The following SLC43A2 variants were observed in gnomAD, a reference collection of about 807,000 sequenced individuals.
SLC43A2 encodes the protein solute carrier family 43 member 2, also known as large neutral amino acids transporter small subunit 4.
In SLC43A2, 38 loss-of-function variants were observed where a neutral mutation model predicts 63.2. The ratio of observed to expected loss-of-function variants is 0.60; its 90% CI spans 0.46 to 0.79. SLC43A2 has a LOEUF of 0.79. Ranked by LOEUF, SLC43A2 falls within the 30% of genes least tolerant of loss-of-function variation. The probability of loss-of-function intolerance (pLI) is 0.00; values close to 1 mark genes in which losing one functional copy is unlikely to be tolerated. For missense variants in SLC43A2, 644 were observed against 756.2 expected (o/e 0.85, Z 1.74); for synonymous variants, 322 against 331.0 (o/e 0.97, Z 0.30).
chr17:1,591,730 G>GGT (rs1183197837), intron 6 of SLC43A2, 31 bp from the exon 7 acceptor site: 3 of 822,982 alleles, frequency 3.6e-6, no homozygotes, highest in Non-Finnish European at 5.7e-6. Flanking sequence ...GGGGTGGGGG[G>GGT]GGGAGGGGGC....
At chr17:1,576,518 C>T in intron 13 of SLC43A2, 79 bp downstream of exon 13, 1 of 1,500,542 alleles carries the variant, frequency 6.7e-7, no homozygotes, top group Non-Finnish European at 8.9e-7. Context: ...GCCCTGAAGC[C>T]CCCGAGGGGG....
intron 3 of SLC43A2, among the ~76,000 whole-genome samples, chr17:1,615,710 G>T (rs1318030191): frequency 1.3e-5 from 2 of 148,912 alleles, no homozygotes; most frequent in Non-Finnish European, 3.0e-5. Flanking sequence ...GGGCGTGGTG[G>T]CAGGCGCCTG....
At chr17:1,613,546 G>T (rs903724668) in intron 4 of SLC43A2, among the ~76,000 whole-genome samples, 1 of 152,102 alleles carries the variant, frequency 6.6e-6, no homozygotes, top group Non-Finnish European at 1.5e-5. Flanking sequence ...TCTGACTCCC[G>T]GGTTCAAGTG....
At chr17:1,615,663 G>A (rs1478770587) in intron 3 of SLC43A2, among the ~76,000 whole-genome samples, 1 of 149,758 alleles carries the variant, frequency 6.7e-6, no homozygotes, top group African/African-American at 2.4e-5. Context: ...CTAACACAGT[G>A]AAACCCCGTC....
Position 1,576,083 on chromosome 17 carries a change from T to C in SLC43A2, c.1549-318A>G, listed in dbSNP as rs1201165641. On this transcript the variant is annotated intron_variant, in intron 13 of 13. Coordinates refer to ENST00000301335, the MANE Select transcript of SLC43A2 (RefSeq NM_152346.3). ...GACAGGAACTGTGTTCTTTTTTTTT[T>C]TTTTTTTTTTTTTTTGAGACGAAGT... Among the ~76,000 whole-genome samples, 5 of 144,668 alleles carry C rather than the reference T, an allele frequency of 3.5e-5. No homozygotes were observed. The East Asian group carries it at 6.0e-4, about 17-fold the overall frequency. 94.9% of individuals were successfully genotyped at this position (144,668 alleles called of 152,430 possible).
chr17:1,613,269 G>C lies in SLC43A2; in HGVS notation c.427C>G (p.Leu143Val). The change falls in exon 5 of 14, where the codon CTC becomes GTC. Residue 143 changes from leucine to valine, a missense_variant and splice_region_variant. Leu to Val is a conservative substitution (Grantham distance 32). Around this residue, in one of 3 missense-constraint regions of SLC43A2, gnomAD observed 528 missense variants for 623.6 expected, o/e 0.85. Coordinates refer to ENST00000301335, the MANE Select transcript of SLC43A2 (RefSeq NM_152346.3). ...IAYGASKPNA[L>V]SVLIFIALAL... ...AGGGCGATGAAGATGAGCACGGAGA[G>C]AGCTGCAGGGACATGGAAAGCTCGT... 6.2e-7 allele frequency: 1 copy of C among 1,614,118 alleles called. No homozygotes were observed. Among genetic ancestry groups the C allele is most frequent in the South Asian group, 1.1e-5 (1 of 91,084 alleles).
intron 9 of SLC43A2, among the ~76,000 whole-genome samples, chr17:1,587,201 T>C (rs117240559): frequency 0.018 from 2,766 of 152,290 alleles, 33 homozygotes; most frequent in Middle Eastern, 0.031. Flanking sequence ...CCCGGGCCCC[T>C]GCTGACATTC....
chr17:1,590,756 C>A, intron 9 of SLC43A2, 46 bp downstream of exon 9: 4 of 1,546,936 alleles, frequency 2.6e-6, no homozygotes, highest in Non-Finnish European at 3.5e-6. Flanking sequence ...GTGGGCTGGG[C>A]TCAGGCCGGG....
chr17:1,594,791 C>T (rs187723247), intron 5 of SLC43A2, among the ~76,000 whole-genome samples: 11,593 of 150,948 alleles, frequency 0.077, 1,012 homozygotes, highest in African/African-American at 0.21. Flanking sequence ...GGTTTCACCA[C>T]GTTAGCCAGG....
At chr17:1,587,240 G>A (rs533794322) in intron 9 of SLC43A2, among the ~76,000 whole-genome samples, 1 of 152,200 alleles carries the variant, frequency 6.6e-6, no homozygotes, top group Non-Finnish European at 1.5e-5. Context: ...GGTCACAGGC[G>A]GACTGGTGAA....
In SLC43A2 at chr17:1,605,125, A is replaced by C; in HGVS notation, c.501+8070T>G. 7.7e-7 allele frequency: 1 copy of C among 1,299,808 alleles called. No homozygotes were observed. Among genetic ancestry groups the C allele is most frequent in the East Asian group, 3.6e-5 (1 of 28,126 alleles). 80.5% of individuals were successfully genotyped at this position (1,299,808 alleles called of 1,614,324 possible). ...CTCTTCCCGCCCTCAGGTGCTTCCC[A>C]CAGCCCCCTCGCCGCCTCTGCCTCC... On this transcript the variant is annotated intron_variant, in intron 5 of 13. Coordinates refer to ENST00000301335, the MANE Select transcript of SLC43A2 (RefSeq NM_152346.3). This position sits in a 1 kb window ranked among gnomAD's most constrained non-coding sequence, Gnocchi z 4.9.
Position 1,583,215 on chromosome 17 carries a change from G to C in SLC43A2, c.1339C>G (p.Leu447Val). The change falls in exon 11 of 14, where the codon CTG becomes GTG. Residue 447 changes from leucine to valine, a missense_variant. Around this residue, in one of 3 missense-constraint regions of SLC43A2, gnomAD observed 528 missense variants for 623.6 expected, o/e 0.85. Coordinates refer to ENST00000301335, the MANE Select transcript of SLC43A2 (RefSeq NM_152346.3). The surrounding 1 kb of genome is among the most constrained non-coding windows in gnomAD (Gnocchi z 5.5). Reference sequence around the variant, plus strand: ...CTCCCCACACCCACCTGGAGAGGCAGGTTGGGAATGAGGCAGGTCACCCCA... The same window carrying C: ...CTCCCCACACCCACCTGGAGAGGCACGTTGGGAATGAGGCAGGTCACCCCA... ...GFGVTCLIPN[L>V]PLQILSFILH... The C allele has an allele frequency of 1.9e-6, 3 of 1,614,070 alleles. No homozygotes were observed. The highest frequency in any genetic ancestry group is 2.5e-6 in the Non-Finnish European group (3 of 1,179,984).
intron 2 of SLC43A2, among the ~76,000 whole-genome samples, chr17:1,619,078 G>A (rs193225132): frequency 6.1e-4 from 93 of 151,894 alleles, no homozygotes; most frequent in Non-Finnish European, 5.2e-4. Context: ...GCCAAGGTGG[G>A]TGGATCACCT....
rs1033791964 is a variant in SLC43A2, at chr17:1,578,995, G to T, written c.1351-672C>A. ...TCTTTACTAAAAATACAAAAAATTA[G>T]CTGGGCGTGGTGGTGGGCACCTGTA... is the stretch of plus-strand genomic sequence containing the variant. On this transcript the variant is annotated intron_variant, in intron 11 of 13. Transcript: ENST00000301335. This position sits in a 1 kb window ranked among gnomAD's most constrained non-coding sequence, Gnocchi z 6.5. Among the ~76,000 whole-genome samples, 3 of 151,862 alleles carry T rather than the reference G, an allele frequency of 2.0e-5. No individual in the cohort carries two copies. Among genetic ancestry groups the T allele is most frequent in the Non-Finnish European group, 4.4e-5 (3 of 67,982 alleles).
Position 1,618,536 on chromosome 17 carries a change from G to C in SLC43A2, c.161-1767C>G, listed in dbSNP as rs557744797. Among the ~76,000 whole-genome samples the C allele has an allele frequency of 9.2e-5, 14 of 152,358 alleles. No homozygotes were observed. In the East Asian group the frequency reaches 2.7e-3, roughly 29 times the overall value. ...CAGAGCCGGATGCAGTGGCTGTGGG[G>C]AGCACAGTCCCGTCAGCGTGTGTGG... On this transcript the variant is annotated intron_variant, in intron 2 of 13. Transcript: ENST00000301335.
intron 13 of SLC43A2, among the ~76,000 whole-genome samples, chr17:1,576,255 T>C (rs192106599): frequency 0.014 from 2,167 of 152,080 alleles, 53 homozygotes; most frequent in African/African-American, 0.046. Context: ...GGCTAATTTT[T>C]GTATTTTTAG....
chr17:1,585,613 C>T, intron 10 of SLC43A2: 1 of 1,218,028 alleles, frequency 8.2e-7, no homozygotes, highest in Non-Finnish European at 1.1e-6. Context: ...GTCTCCAACT[C>T]CTGGCCTCAA....
At position 1,606,456 on chromosome 17, in the gene SLC43A2, C is replaced by A. The variant is rs1031582732; in HGVS notation, c.501+6739G>T. Among the ~76,000 whole-genome samples, 1 of 152,196 alleles carries A rather than the reference C, an allele frequency of 6.6e-6. No homozygotes were observed. Among genetic ancestry groups the A allele is most frequent in the East Asian group, 1.9e-4 (1 of 5,194 alleles). On this transcript the variant is annotated intron_variant, in intron 5 of 13. Coordinates refer to ENST00000301335, the MANE Select transcript of SLC43A2 (RefSeq NM_152346.3). This position sits in a 1 kb window ranked among gnomAD's most constrained non-coding sequence, Gnocchi z 4.7. ...CGGGGAGCCTGGCAACATTTTGAAA[C>A]CCGCTTTTCTGTGTGGCTTCTGCTG...
intron 13 of SLC43A2, among the ~76,000 whole-genome samples, chr17:1,576,100 A>G (rs2075925512): frequency 2.6e-5 from 2 of 76,090 alleles, no homozygotes; most frequent in Non-Finnish European, 2.4e-5. Flanking sequence ...TTTTTTTTTG[A>G]GACGAAGTCT....
Sources: gnomAD v4.1 joint callset for allele counts (sites outside exome capture counted in the v4.1 genomes callset) on GRCh38, gnomAD v4.1.1 for gene constraint, gnomAD v4.1.1 regional missense constraint, Gnocchi (gnomAD v3.1) non-coding constraint, MANE v1.5 for transcripts, NCBI Gene and HGNC (gene_info 2026-07-23, HGNC 2026-07-21) for gene names.